The following MYH16 variants were observed in gnomAD, a reference collection of about 807,000 sequenced individuals.
The protein encoded by MYH16 is myosin heavy chain 16.
At chr7:99,269,353 G>A (rs1473612377) in intron 18 of MYH16, among the ~76,000 whole-genome samples, 2 of 150,410 alleles carry the variant, frequency 1.3e-5, no homozygotes, top group African/African-American at 4.9e-5. Flanking sequence ...ACAGCTCACT[G>A]TGGCTTCAAA....
chr7:99,252,250 G>A (rs1440382319), intron 6 of MYH16, among the ~76,000 whole-genome samples: 3 of 152,130 alleles, frequency 2.0e-5, no homozygotes, highest in Admixed American at 6.5e-5. Context: ...CACCTGAGAC[G>A]CCAACTTGAG....
At chr7:99,265,206 C>T (rs1249439836) in intron 16 of MYH16, 1 of 152,592 alleles carries the variant, frequency 6.6e-6, no homozygotes, top group Non-Finnish European at 1.5e-5. Context: ...TGTGGGGTCA[C>T]GGCTCCCTGC....
intron 28 of MYH16, 156 bp from the exon 10 acceptor site, chr7:99,287,736 A>C: frequency 2.8e-6 from 1 of 357,850 alleles, no homozygotes; most frequent in Non-Finnish European, 5.5e-6. Context: ...CCTGTGGGCA[A>C]CCCCCACCCC....
At chr7:99,258,644 C>T (rs1791901076) in intron 11 of MYH16, among the ~76,000 whole-genome samples, 2 of 152,078 alleles carry the variant, frequency 1.3e-5, no homozygotes, top group South Asian at 4.1e-4. Context: ...CCAGCCTGTA[C>T]TGGCTAACAA....
At chr7:99,273,507 C>T (rs983883799) in intron 20 of MYH16, 84 bp downstream of exon 2, 12 of 440,632 alleles carry the variant, frequency 2.7e-5, no homozygotes, top group African/African-American at 8.1e-5. Context: ...AGATGCCCCT[C>T]GGGAGTGAGA....
chr7:99,302,339 C>A (rs976614909), intron 38 of MYH16, among the ~76,000 whole-genome samples: 1 of 147,950 alleles, frequency 6.8e-6, no homozygotes, highest in African/African-American at 2.5e-5. Context: ...CACACACACA[C>A]ACACACACAC....
At chr7:99,283,304 G>T (rs1426257199) in intron 23 of MYH16, among the ~76,000 whole-genome samples, 1 of 151,870 alleles carries the variant, frequency 6.6e-6, no homozygotes, top group Non-Finnish European at 1.5e-5. Context: ...CCCAGGCTCG[G>T]GTGCAGTGGT....
intron 36 of MYH16, among the ~76,000 whole-genome samples, chr7:99,298,274 C>T (rs1584359296): frequency 6.6e-6 from 1 of 151,110 alleles, no homozygotes; most frequent in Admixed American, 6.6e-5. Context: ...GCTCTGTTGC[C>T]TAGGCCACAG....
At chr7:99,279,164 C>T (rs1236129552) in intron 21 of MYH16, among the ~76,000 whole-genome samples, 1 of 152,114 alleles carries the variant, frequency 6.6e-6, no homozygotes, top group Non-Finnish European at 1.5e-5. Flanking sequence ...GCACCCCAGC[C>T]TGGGTGACAG....
At chr7:99,260,235 G>A (rs1791924588) in exon 12 of MYH16, 2 of 1,609,416 alleles carry the variant, frequency 1.2e-6, no homozygotes, top group African/African-American at 1.3e-5. Flanking sequence ...ACCACCACAT[G>A]TTCGTGCTGG....
At chr7:99,308,665 G>A (rs1259989014), downstream of MYH16, among the ~76,000 whole-genome samples, 1 of 152,106 alleles carries the variant, frequency 6.6e-6, no homozygotes, top group African/African-American at 2.4e-5. Context: ...TCTGGGGGTG[G>A]GCCCAGCATC....
At chr7:99,248,390 C>G (rs1190009364) in intron 3 of MYH16, among the ~76,000 whole-genome samples, 1 of 152,186 alleles carries the variant, frequency 6.6e-6, no homozygotes, top group Non-Finnish European at 1.5e-5. Context: ...GCGTGAGCCA[C>G]TGCGCCCAGT....
Position 99,264,672 on chromosome 7 carries a change from C to G in MYH16, n.1941+364C>G, listed in dbSNP as rs149443171. ...TGTTGCACAAAGGAAGATGTCAACA[C>G]TTTTCAAGAATCAGGCTGTCCCAAG... On this transcript the variant is annotated intron_variant and non_coding_transcript_variant, in intron 15 of 41. Transcript: ENST00000439784. 1.3e-3 allele frequency among the ~76,000 whole-genome samples: 201 copies of G among 152,292 alleles called. 1 individual carries two copies. Among genetic ancestry groups the G allele is most frequent in the Non-Finnish European group, 2.1e-3 (145 of 68,020 alleles).
rs151043360 is a variant in MYH16 at position 99,300,834 on chromosome 7, C to T, written n.4934-767C>T. On this transcript the variant is annotated intron_variant and non_coding_transcript_variant, in intron 37 of 41. Coordinates refer to ENST00000439784, the Ensembl canonical transcript of MYH16. ...AAACAGAGTGGACAAAACAGACAAA[C>T]ATCCCCAAGCAGACAGCAACAAAAA... Among the ~76,000 whole-genome samples the T allele has an allele frequency of 3.9e-3, 593 of 152,078 alleles. 4 individuals carry two copies. The highest frequency in any genetic ancestry group is 0.014 in the African/African-American group (561 of 41,492).
At chr7:99,291,070 G>A in intron 30 of MYH16, 1 of 212,894 alleles carries the variant, frequency 4.7e-6, no homozygotes, top group East Asian at 1.4e-4. Context: ...GTAGGAGATA[G>A]GGGTTTCATT....
intron 33 of MYH16, among the ~76,000 whole-genome samples, chr7:99,295,377 CA>C (rs55710388): frequency 1.2e-4 from 17 of 145,600 alleles, no homozygotes; most frequent in Admixed American, 4.1e-4. Context: ...ACTCTGGCTC[CA>C]AAAAAAAAAG....
At chr7:99,268,392 G>A (rs545053719) in intron 18 of MYH16, among the ~76,000 whole-genome samples, 51 of 152,332 alleles carry the variant, frequency 3.3e-4, no homozygotes, top group East Asian at 7.7e-4. Context: ...TTCACAGAAC[G>A]AAGCGGGACA....
chr7:99,241,749 G>T (rs1047792915), intron 1 of MYH16, among the ~76,000 whole-genome samples: 1 of 152,214 alleles, frequency 6.6e-6, no homozygotes. Flanking sequence ...TCCCAGTATG[G>T]ATTCAGGCCT....
chr7:99,276,403 G>A (rs1792112532), intron 20 of MYH16, among the ~76,000 whole-genome samples: 1 of 152,250 alleles, frequency 6.6e-6, no homozygotes, highest in South Asian at 2.1e-4. Flanking sequence ...TGGTTCCCAG[G>A]GGACCTGCCC....
Sources: gnomAD v4.1 joint callset for allele counts (sites outside exome capture counted in the v4.1 genomes callset) on GRCh38, gnomAD v4.1.1 for gene constraint, MANE v1.5 for transcripts, NCBI Gene and HGNC (gene_info 2026-07-23, HGNC 2026-07-21) for gene names.